The following POLN variants were observed in gnomAD, a reference collection of about 807,000 sequenced individuals.
POLN encodes DNA polymerase N.
Under a neutral mutation model 113.5 loss-of-function variants are expected in POLN, and 108 were observed. The observed-to-expected ratio is 0.95, with a 90% CI of 0.81 to 1.12. The LOEUF (loss-of-function observed/expected upper bound fraction) is 1.12, where lower values mean the gene tolerates loss of function less well. Ranked by LOEUF, POLN falls within the 50% of genes most tolerant of loss-of-function variation. The probability of loss-of-function intolerance (pLI) is 0.00; values close to 1 mark genes in which losing one functional copy is unlikely to be tolerated. For missense variants in POLN, 1,097 were observed against 1,077.1 expected (o/e 1.02, Z -0.26); for synonymous variants, 386 against 391.5 (o/e 0.99, Z 0.17).
intron 20 of POLN, among the ~76,000 whole-genome samples, 183 bp from the exon 21 acceptor site, chr4:2,085,927 A>T (rs894633764): frequency 2.6e-5 from 4 of 152,132 alleles, no homozygotes; most frequent in Non-Finnish European, 4.4e-5. Context: ...CCTGTGAAAC[A>T]TGTATTTATT....
At chr4:2,224,147 T>C (rs1208628373) in intron 3 of POLN, among the ~76,000 whole-genome samples, 2 of 152,256 alleles carry the variant, frequency 1.3e-5, no homozygotes, top group Non-Finnish European at 1.5e-5. Context: ...TATTAAGATA[T>C]TTAACTTTTT....
intron 15 of POLN, among the ~76,000 whole-genome samples, chr4:2,157,457 T>C (rs1577728758): frequency 6.6e-6 from 1 of 152,052 alleles, no homozygotes; most frequent in Admixed American, 6.6e-5. Flanking sequence ...CTGGGTGAGG[T>C]AGCTCACGCC....
At chr4:2,106,310 GA>G (rs1358845602) in intron 19 of POLN, among the ~76,000 whole-genome samples, 1 of 152,314 alleles carries the variant, frequency 6.6e-6, no homozygotes, top group East Asian at 1.9e-4. Flanking sequence ...AAACTGGCAT[GA>G]ATATCTTAAC....
chr4:2,133,413 C>T lies in POLN; in HGVS notation c.1732-2123G>A, dbSNP rs562669206. On this transcript the variant is annotated intron_variant, in intron 16 of 25. Transcript: ENST00000511885. ...CACAACAGTCGAGATATGGAATCAG[C>T]CTAAGTGCCCATCAATGGGTGAATG... Among the ~76,000 whole-genome samples the T allele has an allele frequency of 7.2e-5, 11 of 152,224 alleles. No homozygotes were observed. The South Asian group carries it at 2.1e-3, about 29-fold the overall frequency.
At chr4:2,233,181 T>A (rs1441847333) in intron 2 of POLN, among the ~76,000 whole-genome samples, 3 of 152,202 alleles carry the variant, frequency 2.0e-5, no homozygotes, top group Non-Finnish European at 4.4e-5. Flanking sequence ...TTTAGTGATA[T>A]CCTCTAAGAC....
At chr4:2,107,914 A>G (rs1292414436) in intron 19 of POLN, among the ~76,000 whole-genome samples, 1 of 152,186 alleles carries the variant, frequency 6.6e-6, no homozygotes, top group African/African-American at 2.4e-5. Flanking sequence ...GTCTTGCCAT[A>G]AGCCAGGCAC....
rs1343707743 is a variant in POLN at position 2,228,973 on chromosome 4, A to G, written c.133+126T>C. The G allele has an allele frequency of 5.7e-6, 5 of 872,084 alleles. No individual in the cohort carries two copies. The African/African-American group carries it at 7.0e-5, about 12-fold the overall frequency. The allele number at this position is 872,084 out of a possible 1,614,324, so 54.0% of individuals were successfully genotyped here. ...CAAGCAGAAGCTCAGTCTGCACTGA[A>G]TGAGTGTAAAAGGGGCGGGAGCTGG... is the stretch of plus-strand genomic sequence containing the variant. On this transcript the variant is annotated intron_variant, in intron 3 of 25. Transcript: ENST00000511885.
chr4:2,147,178 G>A (rs543680015), intron 16 of POLN, among the ~76,000 whole-genome samples: 1 of 152,286 alleles, frequency 6.6e-6, no homozygotes, highest in South Asian at 2.1e-4. Flanking sequence ...ACATAATGTT[G>A]ATAAATTCTG....
intron 9 of POLN, 103 bp downstream of exon 9, chr4:2,176,163 G>A (rs554711363): frequency 6.7e-6 from 6 of 894,494 alleles, no homozygotes; most frequent in African/African-American, 5.1e-5. Context: ...AGAACTCAAC[G>A]TTTCGTTTCC....
intron 13 of POLN, among the ~76,000 whole-genome samples, chr4:2,160,629 A>G (rs2108741991): frequency 6.6e-6 from 1 of 152,198 alleles, no homozygotes; most frequent in East Asian, 1.9e-4. Context: ...GGCTGGTCTT[A>G]AACTCCTGGC....
In POLN at chr4:2,164,470, C is replaced by T. The variant is rs560302688; in HGVS notation, c.1555-5259G>A. ...GAGTTGCTATCACACCATTGCTCTCCAGCCTGGGCAACAAGAGTGAAACTC... is the reference window on the plus strand; with the variant it reads ...GAGTTGCTATCACACCATTGCTCTCTAGCCTGGGCAACAAGAGTGAAACTC... On this transcript the variant is annotated intron_variant, in intron 13 of 25. Coordinates refer to ENST00000511885, the MANE Select transcript of POLN (RefSeq NM_181808.4). Among the ~76,000 whole-genome samples the T allele has an allele frequency of 5.7e-5, 8 of 140,402 alleles. No individual in the cohort carries two copies. In the South Asian group the frequency reaches 1.8e-3, roughly 32 times the overall value. The allele number at this position is 140,402 out of a possible 152,430, so 92.1% of individuals were successfully genotyped here.
chr4:2,228,414 C>T (rs1263390449), intron 3 of POLN: 1 of 263,046 alleles, frequency 3.8e-6, no homozygotes, highest in Non-Finnish European at 7.6e-6. Flanking sequence ...CCTCAGCTCA[C>T]TGCAAGCCCC....
chr4:2,197,473 CA>C (rs2108758934), intron 6 of POLN, among the ~76,000 whole-genome samples: 1 of 152,262 alleles, frequency 6.6e-6, no homozygotes, highest in East Asian at 1.9e-4. Context: ...CTGACTAAGA[CA>C]GCCAGGCCAC....
rs539871488 is a variant in POLN, at chr4:2,075,646, C to T, written c.2388-127G>A. On this transcript the variant is annotated intron_variant, in intron 23 of 25. Transcript: ENST00000511885. ...TGAGGCGGGGGCTCAGGGGTGCATG[C>T]AGAGGTGGGGGCCCATCCCCAAGGT... is the stretch of plus-strand genomic sequence containing the variant. 5.3e-6 allele frequency: 5 copies of T among 949,870 alleles called. No individual in the cohort carries two copies. In the Admixed American group the frequency reaches 7.9e-5, roughly 15 times the overall value. The allele number at this position is 949,870 out of a possible 1,614,324, so 58.8% of individuals were successfully genotyped here.
chr4:2,182,952 C>A (rs1026912185), intron 7 of POLN, among the ~76,000 whole-genome samples: 1 of 151,798 alleles, frequency 6.6e-6, no homozygotes, highest in African/African-American at 2.4e-5. Flanking sequence ...ATAATTCTTA[C>A]AAATAAACAA....
chr4:2,161,300 C>T (rs1406235458), intron 13 of POLN, among the ~76,000 whole-genome samples: 1 of 152,206 alleles, frequency 6.6e-6, no homozygotes, highest in African/African-American at 2.4e-5. Context: ...CGGGGCTGCG[C>T]GGGGCGCTTG....
intron 2 of POLN, among the ~76,000 whole-genome samples, chr4:2,238,444 T>TG (rs563616710): frequency 7.3e-4 from 92 of 126,568 alleles, no homozygotes; most frequent in Non-Finnish European, 1.3e-3. Context: ...AAACTAAAAA[T>TG]GAAAAAAAAA....
chr4:2,089,430 C>T, intron 20 of POLN: 2 of 1,400,892 alleles, frequency 1.4e-6, no homozygotes, highest in Non-Finnish European at 1.9e-6. Context: ...AAAGGTCAGA[C>T]AAAGTAAAGC....
At chr4:2,241,202 T>C (rs1734974326) in intron 2 of POLN, 1 of 374,178 alleles carries the variant, frequency 2.7e-6, no homozygotes, top group East Asian at 5.3e-5. Flanking sequence ...AAATGACAGG[T>C]AGTCGTAGCT....
Sources: allele counts gnomAD v4.1 joint callset (sites outside exome capture counted in the v4.1 genomes callset), GRCh38; gene constraint gnomAD v4.1.1; transcripts MANE v1.5; gene names NCBI Gene and HGNC (gene_info 2026-07-23, HGNC 2026-07-21).